The following MGAT5 variants were observed in gnomAD, a reference collection of about 807,000 sequenced individuals.
MGAT5 encodes the protein alpha-1,6-mannosylglycoprotein 6-beta-N-acetylglucosaminyltransferase, also known as alpha-1,6-mannosylglycoprotein 6-beta-N-acetylglucosaminyltransferase A.
In MGAT5, 30 loss-of-function variants were observed where a neutral mutation model predicts 94.3. The ratio of observed to expected loss-of-function variants is 0.32; its 90% CI spans 0.24 to 0.43. The LOEUF (loss-of-function observed/expected upper bound fraction) is 0.43, where lower values mean the gene tolerates loss of function less well. Ranked by LOEUF, MGAT5 falls within the 20% of genes least tolerant of loss-of-function variation. MGAT5 has a pLI of 1.00. For missense variants in MGAT5, 691 were observed against 905.5 expected (o/e 0.76, Z 3.04); for synonymous variants, 310 against 322.9 (o/e 0.96, Z 0.43).
intron 2 of MGAT5, among the ~76,000 whole-genome samples, chr2:134,276,187 C>T (rs1409939429): frequency 6.7e-6 from 1 of 150,102 alleles, no homozygotes; most frequent in Non-Finnish European, 1.5e-5. Flanking sequence ...CCAATCTCCA[C>T]CTCATTTAGC....
intron 13 of MGAT5, among the ~76,000 whole-genome samples, chr2:134,424,366 T>C (rs1222501518): frequency 2.6e-5 from 4 of 152,210 alleles, no homozygotes; most frequent in Non-Finnish European, 4.4e-5. Context: ...ATCTGTGCTC[T>C]ACCCGCTTCA....
At chr2:134,200,423 G>A (rs1371027205) in intron 1 of MGAT5, among the ~76,000 whole-genome samples, 2 of 152,202 alleles carry the variant, frequency 1.3e-5, no homozygotes, top group Non-Finnish European at 2.9e-5. Flanking sequence ...GAGCACAGCT[G>A]TTCTTCCTGG....
chr2:134,381,364 T>TAGATAGATAGATAGATAAGATAAGATA (rs150819045), intron 10 of MGAT5, among the ~76,000 whole-genome samples: 134 of 95,624 alleles, frequency 1.4e-3, no homozygotes, highest in African/African-American at 5.3e-3. Context: ...GATAGATAGA[T>TAGATAGATAGATAGATAAGATAAGATA]AGATAAGATA....
At chr2:134,285,174 T>G (rs1684928268) in intron 2 of MGAT5, among the ~76,000 whole-genome samples, 1 of 152,166 alleles carries the variant, frequency 6.6e-6, no homozygotes, top group Non-Finnish European at 1.5e-5. Flanking sequence ...AAGGCCAAGT[T>G]ATGTAGGAAA....
At chr2:134,255,689 G>A (rs1019977178) in intron 1 of MGAT5, among the ~76,000 whole-genome samples, 3 of 148,290 alleles carry the variant, frequency 2.0e-5, no homozygotes, top group Non-Finnish European at 4.5e-5. Flanking sequence ...TGGTCTCACT[G>A]AAGTGGTCTC....
intron 2 of MGAT5, among the ~76,000 whole-genome samples, chr2:134,286,566 A>C (rs1685016732): frequency 6.6e-6 from 1 of 151,840 alleles, no homozygotes; most frequent in African/African-American, 2.4e-5. Context: ...CAAGTAGCTG[A>C]GATTACAGGC....
upstream of MGAT5, among the ~76,000 whole-genome samples, chr2:134,252,160 T>C (rs917265828): frequency 4.6e-5 from 7 of 152,150 alleles, no homozygotes; most frequent in Admixed American, 3.3e-4. Flanking sequence ...GGGAAAGTGG[T>C]CTGAGGCAGG....
intron 9 of MGAT5, among the ~76,000 whole-genome samples, chr2:134,361,857 T>G (rs904613541): frequency 1.3e-5 from 2 of 152,206 alleles, no homozygotes; most frequent in Admixed American, 1.3e-4. Context: ...GATTCAGTTA[T>G]GTGGGGACTC....
intron 1 of MGAT5, among the ~76,000 whole-genome samples, chr2:134,122,581 C>G (rs557003726): frequency 1.3e-5 from 2 of 152,314 alleles, no homozygotes; most frequent in Admixed American, 1.3e-4. Flanking sequence ...GTGACTGTTT[C>G]ACCCTTTGTA....
intron 10 of MGAT5, among the ~76,000 whole-genome samples, chr2:134,394,012 A>G (rs1165121525): frequency 6.6e-6 from 1 of 152,154 alleles, no homozygotes; most frequent in Non-Finnish European, 1.5e-5. Flanking sequence ...CTTGGGATGA[A>G]AGGTAAAGGT....
At chr2:134,244,457 A>G (rs772238906) in intron 1 of MGAT5, among the ~76,000 whole-genome samples, 3 of 152,200 alleles carry the variant, frequency 2.0e-5, no homozygotes, top group Non-Finnish European at 4.4e-5. Flanking sequence ...CAGCTAGCCT[A>G]GGAATGAGAT....
chr2:134,373,386 G>T (rs547265331), intron 10 of MGAT5, among the ~76,000 whole-genome samples: 33 of 152,318 alleles, frequency 2.2e-4, no homozygotes, highest in African/African-American at 7.5e-4. Context: ...GGAAAGGGTT[G>T]ACAGCGCGTT....
intron 2 of MGAT5, among the ~76,000 whole-genome samples, chr2:134,296,165 C>T (rs1217125864): frequency 6.6e-6 from 1 of 152,052 alleles, no homozygotes; most frequent in Non-Finnish European, 1.5e-5. Flanking sequence ...TAGGCCAAGT[C>T]GACTCTAGTT....
At chr2:134,338,110 A>T in intron 5 of MGAT5, 149 bp from the exon 6 acceptor site, 1 of 631,230 alleles carries the variant, frequency 1.6e-6, no homozygotes, top group Non-Finnish European at 2.6e-6. Context: ...CTGGGACCTT[A>T]AAGTCAAAGC....
chr2:134,214,500 GTTTGT>G (rs1680363646), intron 1 of MGAT5, among the ~76,000 whole-genome samples: 2 of 151,920 alleles, frequency 1.3e-5, no homozygotes, highest in South Asian at 4.1e-4. Context: ...AAGTTTATCA[GTTTGT>G]TTTGGGCCGC....
At chr2:134,304,364 GA>G (rs1440056142) in intron 2 of MGAT5, among the ~76,000 whole-genome samples, 1 of 152,168 alleles carries the variant, frequency 6.6e-6, no homozygotes, top group African/African-American at 2.4e-5. Flanking sequence ...CTGGGATGGT[GA>G]ATGGGTTTTC....
chr2:134,432,869 C>T (rs757213062), intron 14 of MGAT5, among the ~76,000 whole-genome samples: 4 of 152,330 alleles, frequency 2.6e-5, no homozygotes, highest in African/African-American at 4.8e-5. Context: ...TCAAAGCCTT[C>T]GCTACGAGTT....
chr2:134,370,904 C>T (rs1680751486), intron 10 of MGAT5, among the ~76,000 whole-genome samples: 1 of 152,150 alleles, frequency 6.6e-6, no homozygotes, highest in Admixed American at 6.5e-5. Context: ...ATGTGGCATC[C>T]CCTGTGTAAG....
Position 134,270,061 on chromosome 2 carries a change from A to G in MGAT5, c.242-325A>G, listed in dbSNP as rs181332859. Among the ~76,000 whole-genome samples the G allele has an allele frequency of 5.7e-3, 873 of 152,338 alleles. 2 individuals carry two copies. Among genetic ancestry groups the G allele is most frequent in the Non-Finnish European group, 7.4e-3 (505 of 68,026 alleles). On this transcript the variant is annotated intron_variant, in intron 1 of 15. Transcript: ENST00000281923. ...GGTGTCAAGCTTTGTGTGAGAAACT[A>G]TGGTGCTGTAAGGAGGAGGAATTCA...
Sources: gnomAD v4.1 joint callset for allele counts (sites outside exome capture counted in the v4.1 genomes callset) on GRCh38, gnomAD v4.1.1 for gene constraint, MANE v1.5 for transcripts, NCBI Gene and HGNC (gene_info 2026-07-23, HGNC 2026-07-21) for gene names.